The following ARB2A variants were observed in gnomAD, a reference collection of about 807,000 sequenced individuals.
ARB2A encodes ARB2 cotranscriptional regulator A.
At chr5:93,722,116 C>T in the ARB2A span, among the ~76,000 whole-genome samples, 1 of 151,964 alleles carries the variant, frequency 6.6e-6, no homozygotes, top group African/African-American at 2.4e-5. Flanking sequence ...AACAGTTTAC[C>T]TATGAGCCAC....
At chr5:93,986,003 G>A in the ARB2A span, among the ~76,000 whole-genome samples, 8 of 145,428 alleles carry the variant, frequency 5.5e-5, no homozygotes, top group South Asian at 4.4e-4. Flanking sequence ...GCCGCCTATC[G>A]TCTGGGATGT....
the ARB2A span, among the ~76,000 whole-genome samples, chr5:93,877,189 G>A: frequency 6.6e-6 from 1 of 152,054 alleles, no homozygotes; most frequent in Non-Finnish European, 1.5e-5. Flanking sequence ...CTTCCCATCA[G>A]TAGAGTCTAC....
the ARB2A span, chr5:94,074,662 CT>C: frequency 6.2e-7 from 1 of 1,612,264 alleles, no homozygotes; most frequent in Non-Finnish European, 8.5e-7. Context: ...GTGCGGTAGT[CT>C]TTTCTTTTTC....
chr5:93,712,580 CAA>C, the ARB2A span, among the ~76,000 whole-genome samples: 1 of 152,042 alleles, frequency 6.6e-6, no homozygotes, highest in African/African-American at 2.4e-5. Flanking sequence ...AAATCTAAAA[CAA>C]GTTTTAGCTA....
the ARB2A span, among the ~76,000 whole-genome samples, chr5:93,671,750 C>T: frequency 1.2e-4 from 18 of 152,092 alleles, no homozygotes; most frequent in Middle Eastern, 3.4e-3. Flanking sequence ...CTTTAATGTA[C>T]TGACTCATTT....
chr5:93,996,562 TCAAA>T, the ARB2A span, among the ~76,000 whole-genome samples: 4 of 152,050 alleles, frequency 2.6e-5, no homozygotes, highest in African/African-American at 7.2e-5. Flanking sequence ...CTATAATATG[TCAAA>T]CAAAGATCAT....
chr5:94,084,082 T>A, the ARB2A span, among the ~76,000 whole-genome samples: 2 of 151,614 alleles, frequency 1.3e-5, no homozygotes, highest in Non-Finnish European at 2.9e-5. Flanking sequence ...AAGACCAGCC[T>A]GGTCAATACG....
the ARB2A span, chr5:93,741,231 CG>C: frequency 6.2e-7 from 1 of 1,613,890 alleles, no homozygotes; most frequent in Non-Finnish European, 8.5e-7. Flanking sequence ...GCGGCAACTT[CG>C]GAATGCTCCG....
chr5:93,830,322 T>TGG, the ARB2A span, among the ~76,000 whole-genome samples: 1 of 134,576 alleles, frequency 7.4e-6, no homozygotes, highest in Non-Finnish European at 1.6e-5. Context: ...TATATATATA[T>TGG]ATATATATAT....
chr5:93,792,574 C>G, the ARB2A span, among the ~76,000 whole-genome samples: 2 of 151,640 alleles, frequency 1.3e-5, no homozygotes. Context: ...AGTGAACTAT[C>G]GCAAGAACAA....
the ARB2A span, among the ~76,000 whole-genome samples, chr5:93,702,960 G>T: frequency 4.6e-5 from 7 of 151,714 alleles, no homozygotes; most frequent in Admixed American, 4.6e-4. Context: ...ACATTTTATT[G>T]CAATAAAAAG....
At chr5:93,624,422 A>G in the ARB2A span, among the ~76,000 whole-genome samples, 5 of 152,168 alleles carry the variant, frequency 3.3e-5, no homozygotes, top group African/African-American at 1.2e-4. Context: ...TAAGGAGTAA[A>G]ATGTTTTTCC....
the ARB2A span, among the ~76,000 whole-genome samples, chr5:93,830,010 GACTAT>G: frequency 1.3e-5 from 2 of 151,992 alleles, no homozygotes; most frequent in Non-Finnish European, 2.9e-5. Context: ...TATCTGGAGT[GACTAT>G]ACAATTTGTT....
At chr5:93,841,554 C>A in the ARB2A span, among the ~76,000 whole-genome samples, 1 of 152,066 alleles carries the variant, frequency 6.6e-6, no homozygotes, top group Non-Finnish European at 1.5e-5. Context: ...TACTGAAGGA[C>A]AATTATTTAT....
chr5:93,645,576 GAAAAA>G, the ARB2A span, among the ~76,000 whole-genome samples: 13 of 90,144 alleles, frequency 1.4e-4, no homozygotes, highest in Admixed American at 1.0e-3. Context: ...CCGTCTCAAA[GAAAAA>G]AAAAAAAAAA....
chr5:93,750,603 C>G, the ARB2A span, among the ~76,000 whole-genome samples: 1 of 152,172 alleles, frequency 6.6e-6, no homozygotes, highest in Non-Finnish European at 1.5e-5. Context: ...GTGACTGCAG[C>G]CTCAACCTCC....
At chr5:93,827,619 T>C in the ARB2A span, among the ~76,000 whole-genome samples, 1 of 152,034 alleles carries the variant, frequency 6.6e-6, no homozygotes, top group African/African-American at 2.4e-5. Context: ...CATTTGTCAA[T>C]TTTGGCTTTT....
At chr5:93,987,753 A>C in the ARB2A span, among the ~76,000 whole-genome samples, 2 of 152,152 alleles carry the variant, frequency 1.3e-5, no homozygotes, top group African/African-American at 4.8e-5. Flanking sequence ...TGCTCTAAAG[A>C]AGAGTCCTTA....
the ARB2A span, among the ~76,000 whole-genome samples, chr5:93,761,674 T>C: frequency 6.6e-6 from 1 of 152,124 alleles, no homozygotes; most frequent in East Asian, 1.9e-4. Context: ...TCTGCAGACT[T>C]ATATGTCCCT....
Sources: allele counts gnomAD v4.1 joint callset (sites outside exome capture counted in the v4.1 genomes callset), GRCh38; gene constraint gnomAD v4.1.1; transcripts MANE v1.5; gene names NCBI Gene and HGNC (gene_info 2026-07-23, HGNC 2026-07-21).